Variants in CDK14 observed in about 807,000 individuals in gnomAD.
The protein encoded by CDK14 is cyclin-dependent kinase 14.
Under a neutral mutation model 60.7 loss-of-function variants are expected in CDK14, and 34 were observed. The ratio of observed to expected loss-of-function variants is 0.56; its 90% CI spans 0.43 to 0.75. CDK14 has a LOEUF of 0.75. CDK14 is among the 30% of genes least tolerant of loss of function. The pLI, the probability that CDK14 is intolerant of heterozygous loss-of-function variation, is 0.00. For synonymous variants in CDK14, 197 were observed against 203.7 expected (o/e 0.97, Z 0.28); for missense variants, 482 against 564.1 (o/e 0.85, Z 1.47).
chr7:90,718,332 A>G (rs987327529), intron 2 of CDK14, among the ~76,000 whole-genome samples: 2 of 152,162 alleles, frequency 1.3e-5, no homozygotes, highest in Non-Finnish European at 1.5e-5. Flanking sequence ...CTAAAATTCT[A>G]AGGGAAAGTG....
intron 9 of CDK14, among the ~76,000 whole-genome samples, chr7:90,977,207 G>T (rs773451388): frequency 5.3e-5 from 8 of 152,092 alleles, no homozygotes; most frequent in Non-Finnish European, 1.2e-4. Flanking sequence ...TCCCTTGAGT[G>T]TTCTTGGCAC....
chr7:91,164,596 GA>G (rs1801285097), intron 14 of CDK14, among the ~76,000 whole-genome samples: 1 of 152,144 alleles, frequency 6.6e-6, no homozygotes, highest in Non-Finnish European at 1.5e-5. Context: ...AATGCAGGAA[GA>G]TTTGGCTATG....
intron 14 of CDK14, among the ~76,000 whole-genome samples, chr7:91,176,053 T>C (rs1231534848): frequency 2.6e-5 from 4 of 151,998 alleles, no homozygotes; most frequent in Non-Finnish European, 5.9e-5. Context: ...GACCACATAC[T>C]TGGAAGTAAA....
At chr7:91,063,658 C>T (rs1250451331) in intron 11 of CDK14, among the ~76,000 whole-genome samples, 1 of 152,174 alleles carries the variant, frequency 6.6e-6, no homozygotes, top group Non-Finnish European at 1.5e-5. Context: ...GTATTAGAAT[C>T]ACAGGATTAT....
At chr7:91,037,291 C>T (rs1408214962) in intron 10 of CDK14, among the ~76,000 whole-genome samples, 2 of 152,194 alleles carry the variant, frequency 1.3e-5, no homozygotes, top group Non-Finnish European at 2.9e-5. Context: ...TGTAAGACAT[C>T]CCTTCTGTCT....
At chr7:90,770,189 A>C (rs1316680051) in intron 4 of CDK14, among the ~76,000 whole-genome samples, 2 of 152,232 alleles carry the variant, frequency 1.3e-5, no homozygotes, top group African/African-American at 4.8e-5. Context: ...ATTGCTTGTA[A>C]AGCCCTGAAA....
intron 4 of CDK14, among the ~76,000 whole-genome samples, chr7:90,780,295 T>G (rs1368421391): frequency 6.6e-6 from 1 of 152,082 alleles, no homozygotes; most frequent in East Asian, 1.9e-4. Flanking sequence ...AAGGAAAATG[T>G]TTGATATATT....
intron 2 of CDK14, among the ~76,000 whole-genome samples, chr7:90,715,034 G>T (rs1026728922): frequency 1.4e-4 from 21 of 151,982 alleles, no homozygotes; most frequent in African/African-American, 4.8e-4. Flanking sequence ...GATCCTAAAG[G>T]ATCAGTCATA....
At chr7:90,997,947 T>C (rs561119937) in intron 10 of CDK14, among the ~76,000 whole-genome samples, 1 of 152,286 alleles carries the variant, frequency 6.6e-6, no homozygotes, top group East Asian at 1.9e-4. Flanking sequence ...GTACTGGGAA[T>C]GCCACTCTGA....
At chr7:91,170,822 A>C (rs1024707226) in intron 14 of CDK14, among the ~76,000 whole-genome samples, 4 of 139,722 alleles carry the variant, frequency 2.9e-5, no homozygotes, top group Non-Finnish European at 4.5e-5. Context: ...GCTGGAGTTC[A>C]GTGGCATGAT....
intron 2 of CDK14, among the ~76,000 whole-genome samples, chr7:90,716,891 G>A (rs1802267284): frequency 6.6e-6 from 1 of 151,882 alleles, no homozygotes; most frequent in Admixed American, 6.6e-5. Flanking sequence ...AAATTTCAAG[G>A]TGCACACAAA....
chr7:90,616,367 T>G (rs1224027637), intron 2 of CDK14, among the ~76,000 whole-genome samples: 1 of 152,222 alleles, frequency 6.6e-6, no homozygotes, highest in Non-Finnish European at 1.5e-5. Flanking sequence ...CAAATTCTTT[T>G]GTGTTATAGG....
chr7:90,688,075 T>C (rs17623223), intron 2 of CDK14, among the ~76,000 whole-genome samples: 12,376 of 152,218 alleles, frequency 0.081, 598 homozygotes, highest in Middle Eastern at 0.12. Flanking sequence ...AATATTAGAA[T>C]GACAAAGTAT....
rs562558097 is a variant in CDK14 at position 90,733,761 on chromosome 7, A to G, written c.369+6949A>G. On this transcript the variant is annotated intron_variant, in intron 3 of 14. Transcript: ENST00000380050. ...CACTGATGGGTCTTGACTCTGTCCA[A>G]TTTGCCAGTCTGTGTCTTTTAATTG... 8.5e-5 allele frequency among the ~76,000 whole-genome samples: 13 copies of G among 152,222 alleles called. No homozygotes were observed. The South Asian group carries it at 1.2e-3, about 15-fold the overall frequency.
chr7:90,815,096 C>T (rs904502218), intron 5 of CDK14, among the ~76,000 whole-genome samples: 32 of 152,150 alleles, frequency 2.1e-4, no homozygotes, highest in African/African-American at 7.2e-4. Flanking sequence ...TTAGCACTTA[C>T]TACATTGTAC....
intron 2 of CDK14, among the ~76,000 whole-genome samples, chr7:90,674,008 A>C (rs1226348425): frequency 6.6e-6 from 1 of 152,188 alleles, no homozygotes; most frequent in Non-Finnish European, 1.5e-5. Flanking sequence ...CATTGGGATG[A>C]ATGTATTATT....
At chr7:90,829,470 GA>G (rs1377114088) in intron 5 of CDK14, among the ~76,000 whole-genome samples, 1 of 152,194 alleles carries the variant, frequency 6.6e-6, no homozygotes, top group Non-Finnish European at 1.5e-5. Flanking sequence ...CTAACAGGGA[GA>G]AATTGGCCAA....
intron 3 of CDK14, among the ~76,000 whole-genome samples, chr7:90,743,812 A>T (rs999730867): frequency 3.3e-5 from 5 of 152,084 alleles, no homozygotes; most frequent in Non-Finnish European, 1.5e-5. Flanking sequence ...GTATTATTTT[A>T]AAAAATGCTT....
At chr7:91,116,309 G>A (rs803166) in intron 13 of CDK14, among the ~76,000 whole-genome samples, 78,447 of 151,982 alleles carry the variant, frequency 0.52, 22,475 homozygotes, top group Non-Finnish European at 0.66. Context: ...CCAACAAATC[G>A]GTACAGTGTG....
Sources: gnomAD v4.1 joint callset for allele counts (sites outside exome capture counted in the v4.1 genomes callset) on GRCh38, gnomAD v4.1.1 for gene constraint, MANE v1.5 for transcripts, NCBI Gene and HGNC (gene_info 2026-07-23, HGNC 2026-07-21) for gene names.